The following ADGRB3 variants were observed in gnomAD, a reference collection of about 807,000 sequenced individuals.
ADGRB3 encodes brain-specific angiogenesis inhibitor 3.
In ADGRB3, 37 loss-of-function variants were observed where a neutral mutation model predicts 193.4. The observed-to-expected ratio is 0.19, with a 90% CI of 0.15 to 0.25. The LOEUF is 0.25. Ranked by LOEUF, ADGRB3 falls within the 10% of genes least tolerant of loss-of-function variation. The probability of loss-of-function intolerance (pLI) is 1.00; values close to 1 mark genes in which losing one functional copy is unlikely to be tolerated. For missense variants in ADGRB3, 1,637 were observed against 1,852.9 expected (o/e 0.88, Z 2.14); for synonymous variants, 690 against 644.2 (o/e 1.07, Z -1.08).
intron 13 of ADGRB3, among the ~76,000 whole-genome samples, chr6:69,040,779 G>A (rs1394941975): frequency 2.8e-5 from 4 of 142,690 alleles, no homozygotes; most frequent in Non-Finnish European, 6.0e-5. Context: ...ATGCTAAAAG[G>A]AATATGCAAA....
chr6:69,153,916 C>G (rs1357514833), intron 17 of ADGRB3, among the ~76,000 whole-genome samples: 1 of 151,960 alleles, frequency 6.6e-6, no homozygotes, highest in Non-Finnish European at 1.5e-5. Flanking sequence ...TGGTGTGAAC[C>G]CGGGAGGCAG....
intron 20 of ADGRB3, among the ~76,000 whole-genome samples, chr6:69,252,934 G>A (rs1444528926): frequency 2.6e-5 from 4 of 151,900 alleles, no homozygotes; most frequent in African/African-American, 9.7e-5. Context: ...TAGCTTTTAT[G>A]TAGATCTATG....
intron 5 of ADGRB3, among the ~76,000 whole-genome samples, chr6:68,940,155 A>G (rs140950834): frequency 1.4e-4 from 22 of 152,294 alleles, no homozygotes; most frequent in African/African-American, 4.8e-4. Flanking sequence ...AGCCTTTATT[A>G]CTCAAAGTAA....
chr6:68,697,430 A>T (rs980969587), intron 3 of ADGRB3, among the ~76,000 whole-genome samples: 5 of 151,744 alleles, frequency 3.3e-5, no homozygotes, highest in Admixed American at 6.6e-5. Context: ...TTGTTCTTTT[A>T]AAAAAAATAC....
chr6:68,717,129 A>C (rs145255309), intron 3 of ADGRB3, among the ~76,000 whole-genome samples: 95 of 151,788 alleles, frequency 6.3e-4, no homozygotes, highest in African/African-American at 2.0e-3. Flanking sequence ...ATATTTATCA[A>C]TAAATTGCTT....
chr6:69,281,053 C>T (rs1462854284), intron 20 of ADGRB3, among the ~76,000 whole-genome samples: 1 of 152,148 alleles, frequency 6.6e-6, no homozygotes, highest in Non-Finnish European at 1.5e-5. Flanking sequence ...GACAATACTA[C>T]CTGGAGAACT....
chr6:68,642,547 A>C (rs1204712979), intron 3 of ADGRB3, among the ~76,000 whole-genome samples: 2 of 152,156 alleles, frequency 1.3e-5, no homozygotes, highest in Non-Finnish European at 2.9e-5. Flanking sequence ...TGAATATATC[A>C]TACAAAGTAA....
chr6:69,110,348 G>T (rs1279646511), intron 17 of ADGRB3, among the ~76,000 whole-genome samples: 1 of 152,102 alleles, frequency 6.6e-6, no homozygotes, highest in Non-Finnish European at 1.5e-5. Flanking sequence ...GTTAAAGATA[G>T]AATAAGACTA....
chr6:68,858,703 T>C (rs1373164008), intron 3 of ADGRB3, among the ~76,000 whole-genome samples: 2 of 151,882 alleles, frequency 1.3e-5, no homozygotes, highest in East Asian at 1.9e-4. Flanking sequence ...GATAAGAGAA[T>C]GGCTTGGGGC....
At chr6:69,101,341 C>G (rs1163838922) in intron 17 of ADGRB3, among the ~76,000 whole-genome samples, 1 of 151,912 alleles carries the variant, frequency 6.6e-6, no homozygotes, top group African/African-American at 2.4e-5. Flanking sequence ...TATCTTAAAA[C>G]AGTTCTATCT....
chr6:69,023,186 T>C (rs1347245150), intron 13 of ADGRB3, among the ~76,000 whole-genome samples: 1 of 152,122 alleles, frequency 6.6e-6, no homozygotes, highest in Non-Finnish European at 1.5e-5. Flanking sequence ...CTTTGCTGAA[T>C]GACTCAGGTC....
chr6:68,898,041 GAGAC>G (rs1231151408), intron 3 of ADGRB3, among the ~76,000 whole-genome samples: 2 of 149,590 alleles, frequency 1.3e-5, no homozygotes, highest in African/African-American at 2.4e-5. Context: ...GACAGAGAGA[GAGAC>G]AGAGAAAGAG....
chr6:69,240,326 G>T (rs76332952), intron 20 of ADGRB3, among the ~76,000 whole-genome samples: 2 of 151,910 alleles, frequency 1.3e-5, no homozygotes. Context: ...AATCCTGAAG[G>T]AAAAACAAAA....
intron 26 of ADGRB3, among the ~76,000 whole-genome samples, chr6:69,343,958 A>C (rs1356181570): frequency 1.3e-5 from 2 of 152,310 alleles, no homozygotes; most frequent in East Asian, 3.9e-4. Context: ...TGCTATGGAA[A>C]TGGAAGGACA....
intron 3 of ADGRB3, among the ~76,000 whole-genome samples, chr6:68,756,317 G>A (rs1019913471): frequency 6.6e-6 from 1 of 152,046 alleles, no homozygotes; most frequent in Non-Finnish European, 1.5e-5. Flanking sequence ...CAACCCCATG[G>A]GTATGAGAGT....
chr6:68,943,891 C>T lies in ADGRB3; in HGVS notation c.1092C>T (p.Gly364=). 6.2e-7 allele frequency: 1 copy of T among 1,613,822 alleles called. No individual in the cohort carries two copies. ...WSLCSFTCGR[G]QRTRTRSCTP... is the part of the protein sequence containing the mutation. ...TATGTTCATTTACATGTGGTCGAGG[C>T]CAAAGAACAAGAACAAGGTCATGCA... Residue 364 remains glycine (G), a synonymous_variant, in exon 6 of 32, where the codon GGC becomes GGT. Coordinates refer to ENST00000370598, the MANE Select transcript of ADGRB3 (RefSeq NM_001704.3).
At chr6:69,244,953 C>T (rs1331761028) in intron 20 of ADGRB3, among the ~76,000 whole-genome samples, 4 of 151,906 alleles carry the variant, frequency 2.6e-5, no homozygotes, top group African/African-American at 9.7e-5. Context: ...TCTCTTCATA[C>T]CTTCATATTT....
At chr6:68,838,490 C>T (rs1392357900) in intron 3 of ADGRB3, among the ~76,000 whole-genome samples, 1 of 152,190 alleles carries the variant, frequency 6.6e-6, no homozygotes, top group East Asian at 1.9e-4. Flanking sequence ...CTTTGTGCTT[C>T]CCATTCCACC....
chr6:69,155,948 CTTA>C (rs892222587), intron 17 of ADGRB3, among the ~76,000 whole-genome samples: 6 of 151,856 alleles, frequency 4.0e-5, no homozygotes, highest in African/African-American at 1.5e-4. Context: ...TATATTTGTT[CTTA>C]TGTTTCTTAT....
Sources: allele counts gnomAD v4.1 joint callset (sites outside exome capture counted in the v4.1 genomes callset), GRCh38; gene constraint gnomAD v4.1.1; transcripts MANE v1.5; gene names NCBI Gene and HGNC (gene_info 2026-07-23, HGNC 2026-07-21).